TOR1AIP1: variants seen among roughly 807,000 people sequenced by gnomAD.
The protein encoded by TOR1AIP1 is torsin-1A-interacting protein 1.
Under a neutral mutation model 63.3 loss-of-function variants are expected in TOR1AIP1, and 54 were observed. The ratio of observed to expected loss-of-function variants is 0.85; its 90% confidence interval spans 0.69 to 1.07. The LOEUF (loss-of-function observed/expected upper bound fraction) is 1.07, where lower values mean the gene tolerates loss of function less well. TOR1AIP1 is among the 50% of genes least tolerant of loss of function. The pLI, the probability that TOR1AIP1 is intolerant of heterozygous loss-of-function variation, is 0.00. For synonymous variants in TOR1AIP1, 294 were observed against 273.5 expected (o/e 1.07, Z -0.74); for missense variants, 736 against 715.0 (o/e 1.03, Z -0.33).
Position 179,907,913 on chromosome 1 carries a change from C to CTTTTTTTTT in TOR1AIP1, c.838+62_838+70dup, listed in dbSNP as rs34218138. On this transcript the variant is annotated intron_variant, in intron 7 of 9. Coordinates refer to ENST00000606911, the MANE Select transcript of TOR1AIP1 (RefSeq NM_015602.4). ...TTTTTCAGCCAATCAATTCTTTTCT[C>CTTTTTTTTT]TTTTTTTTTTTTTTTTTTTTTGAGA... is the stretch of plus-strand genomic sequence containing the variant. 295 of 356,686 alleles carry CTTTTTTTTT rather than the reference C, an allele frequency of 8.3e-4. 1 individual carries two copies. Among genetic ancestry groups the CTTTTTTTTT allele is most frequent in the South Asian group, 2.4e-3 (58 of 23,770 alleles). The allele number at this position is 356,686 out of a possible 1,614,324, so 22.1% of individuals were successfully genotyped here.
In TOR1AIP1 at chr1:179,917,637, G is replaced by C. The variant is rs1649061369; in HGVS notation, c.1150G>C (p.Glu384Gln). 6.2e-7 allele frequency: 1 copy of C among 1,614,098 alleles called. No individual in the cohort carries two copies. The highest frequency in any genetic ancestry group is 1.1e-5 in the South Asian group (1 of 91,084). Reference protein sequence around the residue: ...QLKNKYQGQDEKLWKRSQTFL... With the variant: ...QLKNKYQGQDQKLWKRSQTFL... Reference sequence around the variant, plus strand: ...TAAGAATAAGTACCAAGGTCAAGATGAGAAGCTGTGGAAAAGGAGCCAAAC... The same window carrying C: ...TAAGAATAAGTACCAAGGTCAAGATCAGAAGCTGTGGAAAAGGAGCCAAAC... Residue 384 changes from glutamate to glutamine, a missense_variant, in exon 10 of 10, where the codon GAG becomes CAG. Glu to Gln is a conservative substitution (Grantham distance 29). Coordinates refer to ENST00000606911, the MANE Select transcript of TOR1AIP1 (RefSeq NM_015602.4).
chr1:179,909,114 T>C (rs1648747531), intron 8 of TOR1AIP1, among the ~76,000 whole-genome samples: 1 of 151,616 alleles, frequency 6.6e-6, no homozygotes, highest in Non-Finnish European at 1.5e-5. Context: ...TGAGCCAAGA[T>C]TGCACCACTG....
intron 9 of TOR1AIP1, among the ~76,000 whole-genome samples, chr1:179,915,961 C>A (rs1036701450): frequency 3.3e-5 from 5 of 152,138 alleles, no homozygotes; most frequent in Non-Finnish European, 5.9e-5. Context: ...AATTCATTTG[C>A]ACAAAATTCT....
rs546010386 is a variant in TOR1AIP1 at position 179,893,625 on chromosome 1, G to T, written c.610+4256G>T. Reference sequence around the variant, plus strand: ...CTGGCTAATTTTTGTATTTTTAGCAGAGGCAGCATTTCACCATGTTTGCCA... The same window carrying T: ...CTGGCTAATTTTTGTATTTTTAGCATAGGCAGCATTTCACCATGTTTGCCA... On this transcript the variant is annotated intron_variant, in intron 3 of 9. Coordinates refer to ENST00000606911, the MANE Select transcript of TOR1AIP1 (RefSeq NM_015602.4). Among the ~76,000 whole-genome samples, 6 of 152,128 alleles carry T rather than the reference G, an allele frequency of 3.9e-5. No individual in the cohort carries two copies. In the East Asian group the frequency reaches 1.2e-3, roughly 30 times the overall value.
chr1:179,887,106 A>G (rs749219827), intron 2 of TOR1AIP1, among the ~76,000 whole-genome samples: 7 of 152,284 alleles, frequency 4.6e-5, no homozygotes, highest in Non-Finnish European at 8.8e-5. Context: ...TGCCCTTACG[A>G]ATAAAGACCT....
At chr1:179,884,875 G>A (rs1377530117) in intron 2 of TOR1AIP1, 106 bp downstream of exon 2, 4 of 812,650 alleles carry the variant, frequency 4.9e-6, no homozygotes, top group Middle Eastern at 2.9e-4. Flanking sequence ...GGGCAGACAC[G>A]TGAGTACTCA....
At chr1:179,883,608 C>G in intron 1 of TOR1AIP1, 1 of 456,296 alleles carries the variant, frequency 2.2e-6, no homozygotes, top group Non-Finnish European at 4.4e-6. Context: ...ATTGCTGTTT[C>G]TCCAGTGTGG....
chr1:179,919,579 T>C lies in TOR1AIP1; in HGVS notation c.*1340T>C, dbSNP rs1343017094. 1 of 152,264 alleles carries C rather than the reference T, an allele frequency of 6.6e-6. No individual in the cohort carries two copies. The highest frequency in any genetic ancestry group is 1.5e-5 in the Non-Finnish European group (1 of 68,042). The allele number at this position is 152,264 out of a possible 1,614,324, so 9.4% of individuals were successfully genotyped here. A position where few individuals can be genotyped will look rare whatever the true frequency, so the allele number is the denominator to read the frequency against. ...TACTATAGTAGTTTAGTTATAACTTTGCATCTATAATTGAGCTTTCTCATC... is the reference window on the plus strand; with the variant it reads ...TACTATAGTAGTTTAGTTATAACTTCGCATCTATAATTGAGCTTTCTCATC... On this transcript the variant is annotated 3_prime_UTR_variant, in exon 10 of 10. Transcript: ENST00000606911.
In TOR1AIP1 at chr1:179,892,602, G is replaced by C. The variant is rs977871637; in HGVS notation, c.610+3233G>C. 2.0e-5 allele frequency among the ~76,000 whole-genome samples: 3 copies of C among 152,072 alleles called. No homozygotes were observed. In the South Asian group the frequency reaches 6.2e-4, roughly 32 times the overall value. ...AAGTACAAAAAATTAGCCGGGCATC[G>C]TGGCGGGTGCCTGTAGTCCCAGCTA... On this transcript the variant is annotated intron_variant, in intron 3 of 9. Transcript: ENST00000606911.
chr1:179,912,133 T>G (rs1329991095), intron 8 of TOR1AIP1, among the ~76,000 whole-genome samples: 1 of 151,926 alleles, frequency 6.6e-6, no homozygotes, highest in Non-Finnish European at 1.5e-5. Context: ...CAAGCGATTC[T>G]CATTCATGCC....
rs1647728004 is a variant in TOR1AIP1, at chr1:179,882,390, C to T, written c.-113C>T. ...GCCCCAGCGACTCGCAACTGCCTCC[C>T]TGACCACAGCGGCCACCGCCCAACA... On this transcript the variant is annotated 5_prime_UTR_variant, in exon 1 of 10. Transcript: ENST00000606911. The T allele has an allele frequency of 8.6e-7, 1 of 1,167,078 alleles. No individual in the cohort carries two copies. The highest frequency in any genetic ancestry group is 1.1e-6 in the Non-Finnish European group (1 of 884,436). The allele number at this position is 1,167,078 out of a possible 1,614,324, so 72.3% of individuals were successfully genotyped here.
chr1:179,894,753 C>T (rs1459251631), intron 3 of TOR1AIP1, among the ~76,000 whole-genome samples: 1 of 152,018 alleles, frequency 6.6e-6, no homozygotes, highest in Non-Finnish European at 1.5e-5. Context: ...TGAGAAAGCA[C>T]AGTAGTCTTA....
chr1:179,904,045 T>C, intron 6 of TOR1AIP1, 23 bp downstream of exon 6: 1 of 1,556,332 alleles, frequency 6.4e-7, no homozygotes, highest in Non-Finnish European at 8.8e-7. Flanking sequence ...GTGTTTACAG[T>C]GTCTTCCTGT....
At chr1:179,890,606 CT>C (rs901612096) in intron 3 of TOR1AIP1, among the ~76,000 whole-genome samples, 3 of 149,728 alleles carry the variant, frequency 2.0e-5, no homozygotes, top group African/African-American at 2.5e-5. Context: ...TATTTCTATT[CT>C]TTTTTTTTTC....
In TOR1AIP1 at chr1:179,917,556, A is replaced by T; in HGVS notation, c.1069A>T (p.Thr357Ser). The T allele has an allele frequency of 6.2e-7, 1 of 1,613,990 alleles. No homozygotes were observed. The highest frequency in any genetic ancestry group is 8.5e-7 in the Non-Finnish European group (1 of 1,180,030). ...LASGSFWFFS[T>S]PEVETTAVQE... The stretch of plus-strand genomic sequence containing the variant: ...CTCTGGGAGTTTTTGGTTCTTTAGT[A>T]CTCCTGAGGTAGAAACCACTGCTGT... The change falls in exon 10 of 10, where the codon ACT (threonine) becomes TCT (serine). Residue 357 changes from threonine (T) to serine (S), a missense_variant. Physicochemically the swap from Thr to Ser is moderately conservative, Grantham distance 58. Around this residue, in one of 2 missense-constraint regions of TOR1AIP1, gnomAD observed 272 missense variants for 344.1 expected, o/e 0.79. Transcript: ENST00000606911.
chr1:179,892,100 C>T (rs1442743103), intron 3 of TOR1AIP1, among the ~76,000 whole-genome samples: 5 of 152,304 alleles, frequency 3.3e-5, no homozygotes, highest in Admixed American at 2.0e-4. Flanking sequence ...GGAAACGCTT[C>T]ATTTTTCTTT....
rs774524573 is a variant in TOR1AIP1, at chr1:179,907,847, A to T, written c.821A>T (p.Lys274Met). 3.1e-6 allele frequency: 5 copies of T among 1,594,540 alleles called. No homozygotes were observed. The highest frequency in any genetic ancestry group is 8.5e-7 in the Non-Finnish European group (1 of 1,170,108). Residue 274 changes from lysine to methionine, a missense_variant, in exon 7 of 10, where the codon AAG becomes ATG. By Grantham distance (95) the Lys-to-Met change is moderately conservative. This residue lies in a region of TOR1AIP1 where 464 missense variants were observed against 371.0 expected (regional missense o/e 1.25). Coordinates refer to ENST00000606911, the MANE Select transcript of TOR1AIP1 (RefSeq NM_015602.4). ...SQSQNFTAHD[K>M]QPSVLSSGYQ... is the part of the protein sequence containing the mutation. ...GGTCAAAACTTCACAGCTCATGATA[A>T]GCAACCTTCAGTGCTAAGTAAGTAG...
chr1:179,898,199 G>A (rs1648342962), intron 3 of TOR1AIP1, among the ~76,000 whole-genome samples: 1 of 151,990 alleles, frequency 6.6e-6, no homozygotes, highest in East Asian at 1.9e-4. Context: ...AAGAACCTGC[G>A]GTCTTCTGGC....
At chr1:179,899,953 G>C (rs921025292) in intron 3 of TOR1AIP1, among the ~76,000 whole-genome samples, 173 bp from the exon 4 acceptor site, 4 of 152,168 alleles carry the variant, frequency 2.6e-5, no homozygotes, top group African/African-American at 4.8e-5. Flanking sequence ...CCAATTCTTA[G>C]TGATTTAACA....
Sources: gnomAD v4.1 joint callset for allele counts (sites outside exome capture counted in the v4.1 genomes callset) on GRCh38, gnomAD v4.1.1 for gene constraint, gnomAD v4.1.1 regional missense constraint, MANE v1.5 for transcripts, NCBI Gene and HGNC (gene_info 2026-07-23, HGNC 2026-07-21) for gene names.